The following KIF16B variants were observed in gnomAD, a reference collection of about 807,000 sequenced individuals.
KIF16B encodes kinesin-like protein KIF16B.
KIF16B carries 98 observed loss-of-function variants against 156.3 expected under a neutral mutation model. The ratio of observed to expected loss-of-function variants is 0.63; its 90% CI spans 0.53 to 0.74. The LOEUF (loss-of-function observed/expected upper bound fraction) is 0.74. Ranked by LOEUF, KIF16B falls within the 30% of genes least tolerant of loss-of-function variation. The pLI, the probability that KIF16B is intolerant of heterozygous loss-of-function variation, is 0.00. For synonymous variants in KIF16B, 564 were observed against 583.7 expected, an observed-to-expected ratio of 0.97 and a Z score of 0.49; for missense variants, 1,421 against 1,606.5, an observed-to-expected ratio of 0.88 and a Z score of 1.97.
At chr20:16,338,454 C>T (rs2064081112) in intron 23 of KIF16B, among the ~76,000 whole-genome samples, 1 of 152,124 alleles carries the variant, frequency 6.6e-6, no homozygotes, top group Non-Finnish European at 1.5e-5. Flanking sequence ...CTGCTTCAGC[C>T]CTATTGATCT....
chr20:16,447,530 T>G (rs1271399499), intron 12 of KIF16B, among the ~76,000 whole-genome samples: 1 of 151,952 alleles, frequency 6.6e-6, no homozygotes, highest in Non-Finnish European at 1.5e-5. Flanking sequence ...TCCCAACATT[T>G]TGGAGGCCTG....
chr20:16,402,648 C>T (rs2065683967), intron 17 of KIF16B, among the ~76,000 whole-genome samples: 1 of 152,080 alleles, frequency 6.6e-6, no homozygotes, highest in Non-Finnish European at 1.5e-5. Context: ...AAAGGAAAGC[C>T]CCAGAGGCAC....
At chr20:16,458,512 G>T (rs1307898463) in intron 12 of KIF16B, among the ~76,000 whole-genome samples, 2 of 152,186 alleles carry the variant, frequency 1.3e-5, no homozygotes, top group Non-Finnish European at 2.9e-5. Context: ...TCATGTGTAT[G>T]GGTAGTATAA....
intron 14 of KIF16B, among the ~76,000 whole-genome samples, chr20:16,428,199 G>A (rs1309220218): frequency 2.0e-5 from 3 of 152,140 alleles, no homozygotes; most frequent in Non-Finnish European, 4.4e-5. Context: ...AAGTAACTGT[G>A]GTTTTTGCCA....
intron 24 of KIF16B, among the ~76,000 whole-genome samples, chr20:16,317,002 A>C (rs886256693): frequency 6.6e-6 from 1 of 152,200 alleles, no homozygotes; most frequent in African/African-American, 2.4e-5. Context: ...AGGTTCAGAG[A>C]AGATGTGATT....
At chr20:16,357,226 T>A (rs1295501345) in intron 22 of KIF16B, among the ~76,000 whole-genome samples, 1 of 152,218 alleles carries the variant, frequency 6.6e-6, no homozygotes, top group Non-Finnish European at 1.5e-5. Flanking sequence ...AGAATCATAA[T>A]TATAGTTAGC....
chr20:16,327,794 C>A (rs1269645264), intron 24 of KIF16B, among the ~76,000 whole-genome samples: 2 of 152,076 alleles, frequency 1.3e-5, no homozygotes, highest in Non-Finnish European at 2.9e-5. Context: ...TGGCTGTATT[C>A]TATTTTTGTC....
At position 16,317,659 on chromosome 20, in the gene KIF16B, T is replaced by C. The variant is rs371931182; in HGVS notation, c.3712-5241A>G. ...TTCCTCTCACCTTCTTCAAAAGCACTGCTACCACCGCAAACACTGTCTCTG... is the reference window on the plus strand; with the variant it reads ...TTCCTCTCACCTTCTTCAAAAGCACCGCTACCACCGCAAACACTGTCTCTG... On this transcript the variant is annotated intron_variant, in intron 24 of 25. Coordinates refer to ENST00000354981, the MANE Select transcript of KIF16B (RefSeq NM_024704.5). Among the ~76,000 whole-genome samples the C allele has an allele frequency of 7.2e-5, 11 of 152,272 alleles. No individual in the cohort carries two copies. In the East Asian group the frequency reaches 7.7e-4, roughly 11 times the overall value.
chr20:16,420,025 G>A (rs2066186789), intron 15 of KIF16B, among the ~76,000 whole-genome samples: 1 of 152,064 alleles, frequency 6.6e-6, no homozygotes, highest in South Asian at 2.1e-4. Context: ...TAGAATCACA[G>A]TGTGGAATGA....
chr20:16,553,651 A>C (rs2070742816), intron 1 of KIF16B, among the ~76,000 whole-genome samples: 1 of 152,244 alleles, frequency 6.6e-6, no homozygotes, highest in South Asian at 2.1e-4. Flanking sequence ...CTATCTACAC[A>C]GCAGAACTTA....
chr20:16,364,578 C>T (rs186420720), intron 22 of KIF16B, among the ~76,000 whole-genome samples: 10 of 152,326 alleles, frequency 6.6e-5, no homozygotes, highest in Admixed American at 6.5e-4. Context: ...GAGGGAGCTA[C>T]TAGGATTGAA....
intron 3 of KIF16B, among the ~76,000 whole-genome samples, chr20:16,524,618 C>A (rs987485344): frequency 3.2e-4 from 49 of 152,102 alleles, no homozygotes; most frequent in Admixed American, 5.2e-4. Context: ...GACAGTGTGG[C>A]GATTCCTCAA....
chr20:16,520,387 C>G (rs1179699663), intron 3 of KIF16B, among the ~76,000 whole-genome samples: 1 of 152,068 alleles, frequency 6.6e-6, no homozygotes, highest in East Asian at 1.9e-4. Context: ...GTGGTTTTAC[C>G]CTCACAGTGT....
chr20:16,318,989 T>A (rs1450343773), intron 24 of KIF16B, among the ~76,000 whole-genome samples: 1 of 152,140 alleles, frequency 6.6e-6, no homozygotes, highest in Non-Finnish European at 1.5e-5. Flanking sequence ...ATAGTATATA[T>A]CCTTGAGATG....
chr20:16,483,280 C>T (rs1157353374), intron 12 of KIF16B, among the ~76,000 whole-genome samples: 8 of 152,170 alleles, frequency 5.3e-5, no homozygotes, highest in Non-Finnish European at 1.5e-5. Context: ...CACCATCACT[C>T]TTCTGTGAGC....
intron 23 of KIF16B, among the ~76,000 whole-genome samples, chr20:16,342,937 G>GA (rs1431442822): frequency 6.6e-6 from 1 of 152,102 alleles, no homozygotes; most frequent in African/African-American, 2.4e-5. Context: ...GGAAGCTTGA[G>GA]AAAAAATAGA....
intron 23 of KIF16B, among the ~76,000 whole-genome samples, chr20:16,350,255 T>C (rs775370629): frequency 6.6e-6 from 1 of 152,236 alleles, no homozygotes; most frequent in Non-Finnish European, 1.5e-5. Flanking sequence ...ATGGGGCTGA[T>C]GCCCTGCAGC....
intron 1 of KIF16B, among the ~76,000 whole-genome samples, chr20:16,560,088 A>T (rs1021885721): frequency 1.3e-5 from 2 of 152,192 alleles, no homozygotes; most frequent in African/African-American, 2.4e-5. Context: ...AAATATTTTT[A>T]AAAAAAGAAA....
In KIF16B at chr20:16,460,944, T is replaced by A. The variant is rs2067331297; in HGVS notation, c.1303-30962A>T. On this transcript the variant is annotated intron_variant, in intron 12 of 25. Coordinates refer to ENST00000354981, the MANE Select transcript of KIF16B (RefSeq NM_024704.5). ...AGTTAAAAAAAATTTAAAAAAGCAA[T>A]AATTATAAACTTCTAGAGAATCTAA... Among the ~76,000 whole-genome samples, 3 of 152,144 alleles carry A rather than the reference T, an allele frequency of 2.0e-5. No homozygotes were observed. The East Asian group carries it at 5.8e-4, about 29-fold the overall frequency.
Sources: allele counts gnomAD v4.1 joint callset (sites outside exome capture counted in the v4.1 genomes callset), GRCh38; gene constraint gnomAD v4.1.1; transcripts MANE v1.5; gene names NCBI Gene and HGNC (gene_info 2026-07-23, HGNC 2026-07-21).